COG4: variants seen among roughly 807,000 people sequenced by gnomAD.
The protein encoded by COG4 is component of oligomeric golgi complex 4, also known as conserved oligomeric Golgi complex subunit 4.
A neutral mutation model predicts 95.1 loss-of-function variants in COG4; 65 were observed. The observed-to-expected ratio is 0.68, with a 90% confidence interval of 0.56 to 0.84. The LOEUF is 0.84. Among genes scored for constraint, COG4 ranks in the 40% least tolerant of loss-of-function variants. The pLI is 0.00. For missense variants in COG4, 1,045 were observed against 989.1 expected (o/e 1.06, Z -0.76); for synonymous variants, 421 against 374.8 (o/e 1.12, Z -1.42).
At chr16:70,520,768 T>C (rs375572960) in intron 1 of COG4, among the ~76,000 whole-genome samples, 1 of 152,190 alleles carries the variant, frequency 6.6e-6, no homozygotes, top group African/African-American at 2.4e-5. Flanking sequence ...TAAATATAAT[T>C]ATCTCTCATT....
intron 13 of COG4, among the ~76,000 whole-genome samples, chr16:70,490,125 T>A (rs1221464875): frequency 6.6e-6 from 1 of 152,140 alleles, no homozygotes; most frequent in Non-Finnish European, 1.5e-5. Flanking sequence ...GCCTGGAAGA[T>A]CTAATTTGAA....
At chr16:70,507,184 G>A (rs2151756638) in intron 8 of COG4, among the ~76,000 whole-genome samples, 1 of 152,198 alleles carries the variant, frequency 6.6e-6, no homozygotes, top group Non-Finnish European at 1.5e-5. Context: ...GCTGCAGTGA[G>A]CCAGGATCAT....
At chr16:70,516,490 G>T (rs2049825948) in intron 3 of COG4, among the ~76,000 whole-genome samples, 1 of 152,044 alleles carries the variant, frequency 6.6e-6, no homozygotes, top group African/African-American at 2.4e-5. Flanking sequence ...TACAGATGGG[G>T]TTTCACGGTG....
chr16:70,498,161 A>G, intron 9 of COG4, 106 bp from the exon 10 acceptor site: 1 of 728,964 alleles, frequency 1.4e-6, no homozygotes, highest in Non-Finnish European at 2.5e-6. Context: ...TGAAATATGT[A>G]CATATTTTAC....
At chr16:70,505,887 G>A (rs1032841036) in intron 8 of COG4, among the ~76,000 whole-genome samples, 3 of 152,106 alleles carry the variant, frequency 2.0e-5, no homozygotes, top group Non-Finnish European at 4.4e-5. Context: ...GCTCATGCCT[G>A]TAATTCCAGT....
chr16:70,520,851 A>C (rs2049927352), intron 1 of COG4, among the ~76,000 whole-genome samples: 3 of 152,204 alleles, frequency 2.0e-5, no homozygotes, highest in Non-Finnish European at 4.4e-5. Flanking sequence ...TAAAACTAGG[A>C]TAGCAATACC....
Position 70,510,030 on chromosome 16 carries a change from G to T in COG4, c.739-9C>A. The T allele has an allele frequency of 6.2e-7, 1 of 1,609,808 alleles. No individual in the cohort carries two copies. The highest frequency in any genetic ancestry group is 1.3e-5 in the African/African-American group (1 of 74,932). ...TCAGCTTTACTGGCCACCTAAAAAAGGAGAAAACCCACACACATTCCTCAG... is the reference window on the plus strand; with the variant it reads ...TCAGCTTTACTGGCCACCTAAAAAATGAGAAAACCCACACACATTCCTCAG... On this transcript the variant is annotated splice_polypyrimidine_tract_variant and intron_variant, in intron 5 of 18. Transcript: ENST00000323786.
At chr16:70,503,137 G>C (rs2049488373) in intron 8 of COG4, among the ~76,000 whole-genome samples, 1 of 152,126 alleles carries the variant, frequency 6.6e-6, no homozygotes, top group South Asian at 2.1e-4. Context: ...TGCAGGCTCA[G>C]CTTCCCTGGG....
Position 70,509,228 on chromosome 16 carries a change from C to G in COG4, c.1002+3G>C. 1 of 1,614,172 alleles carries G rather than the reference C, an allele frequency of 6.2e-7. No homozygotes were observed. The highest frequency in any genetic ancestry group is 8.5e-7 in the Non-Finnish European group (1 of 1,180,032). On this transcript the variant is annotated splice_donor_region_variant and intron_variant, in intron 7 of 18. Coordinates refer to ENST00000323786, the MANE Select transcript of COG4 (RefSeq NM_015386.3). ...AACCCTACCTGTAGCTTCCCCTGCT[C>G]ACCTGCTGGTGGTAGTCCCTTTGCT...
At chr16:70,481,528 C>T (rs770943594) in intron 17 of COG4, 41 bp from the exon 18 acceptor site, 1 of 1,609,454 alleles carries the variant, frequency 6.2e-7, no homozygotes, top group South Asian at 1.1e-5. Context: ...TAGGCCTGGC[C>T]AAGCAGAACT....
chr16:70,519,789 T>C, intron 1 of COG4, 58 bp from the exon 2 acceptor site: 3 of 1,243,796 alleles, frequency 2.4e-6, no homozygotes, highest in Non-Finnish European at 3.5e-6. Context: ...TTAAGAGTTA[T>C]CTAATCCAAT....
At chr16:70,487,322 C>T (rs1237273371) in intron 13 of COG4, among the ~76,000 whole-genome samples, 2 of 151,418 alleles carry the variant, frequency 1.3e-5, no homozygotes, top group African/African-American at 2.4e-5. Flanking sequence ...CAAGGCCAGG[C>T]GAGGTGGTTC....
chr16:70,511,001 G>T (rs2049692331), intron 5 of COG4, among the ~76,000 whole-genome samples: 1 of 152,136 alleles, frequency 6.6e-6, no homozygotes, highest in Admixed American at 6.5e-5. Flanking sequence ...CTGATCTGAG[G>T]TGATCCACCC....
chr16:70,498,145 T>C, intron 9 of COG4, 90 bp from the exon 10 acceptor site: 1 of 788,610 alleles, frequency 1.3e-6, no homozygotes, highest in East Asian at 2.5e-5. Flanking sequence ...CTTTATAGTC[T>C]TTCTTTGAAA....
In COG4 at chr16:70,482,193, G is replaced by A. The variant is rs746133806; in HGVS notation, c.1921-18C>T. ...AATTCTTCCTGTTGTCAGGAAGCAG[G>A]GCTGGTCACCATGGGCCTCATAAGA... On this transcript the variant is annotated intron_variant, in intron 15 of 18. Coordinates refer to ENST00000323786, the MANE Select transcript of COG4 (RefSeq NM_015386.3). 2 of 1,555,700 alleles carry A rather than the reference G, an allele frequency of 1.3e-6. No individual in the cohort carries two copies. Among genetic ancestry groups the A allele is most frequent in the South Asian group, 2.2e-5 (2 of 89,786 alleles).
At chr16:70,499,149 T>A (rs2049398213) in intron 9 of COG4, among the ~76,000 whole-genome samples, 1 of 152,214 alleles carries the variant, frequency 6.6e-6, no homozygotes, top group South Asian at 2.1e-4. Context: ...ACTTGAAATG[T>A]GATGAACATA....
chr16:70,520,339 A>G (rs2049909326), intron 1 of COG4, among the ~76,000 whole-genome samples: 2 of 108,694 alleles, frequency 1.8e-5, no homozygotes, highest in African/African-American at 7.2e-5. Context: ...GCTGCTCAGG[A>G]GGCTGAGGCA....
At position 70,480,996 on chromosome 16, in the gene COG4, G is replaced by C. The variant is rs749535137; in HGVS notation, c.*14C>G. The C allele has an allele frequency of 4.3e-6, 7 of 1,611,520 alleles. No individual in the cohort carries two copies. In the South Asian group the frequency reaches 6.6e-5, roughly 15 times the overall value. ...CCTGCAAGTGTGATGAGCCAGGTGT[G>C]CTCATCCAGGCAGCTACAGGCGCAG... On this transcript the variant is annotated 3_prime_UTR_variant, in exon 19 of 19. Transcript: ENST00000323786.
chr16:70,509,149 T>C, intron 7 of COG4, 82 bp downstream of exon 7: 6 of 1,576,640 alleles, frequency 3.8e-6, no homozygotes, highest in Non-Finnish European at 5.2e-6. Flanking sequence ...TTTTTTCACT[T>C]TTTCAAACCC....
Sources: allele counts gnomAD v4.1 joint callset (sites outside exome capture counted in the v4.1 genomes callset), GRCh38; gene constraint gnomAD v4.1.1; transcripts MANE v1.5; gene names NCBI Gene and HGNC (gene_info 2026-07-23, HGNC 2026-07-21).